PTDSS1: variants seen among roughly 807,000 people sequenced by gnomAD.
The protein encoded by PTDSS1 is PSS-1.
PTDSS1 carries 45 observed loss-of-function variants against 70.5 expected under a neutral mutation model. That is an observed-to-expected ratio of 0.64 (90% CI 0.50 to 0.82). PTDSS1 has a LOEUF of 0.82. Ranked by LOEUF, PTDSS1 falls within the 40% of genes least tolerant of loss-of-function variation. The probability of loss-of-function intolerance (pLI) is 0.00; values close to 1 mark genes in which losing one functional copy is unlikely to be tolerated. For synonymous variants in PTDSS1, 188 were observed against 203.8 expected (o/e 0.92, Z 0.66); for missense variants, 417 against 586.1 (o/e 0.71, Z 2.98).
intron 4 of PTDSS1, among the ~76,000 whole-genome samples, chr8:96,293,135 ATC>A (rs1357463506): frequency 6.6e-6 from 1 of 152,166 alleles, no homozygotes; most frequent in African/African-American, 2.4e-5. Flanking sequence ...GATTTTCAAG[ATC>A]TCTCTGTAGT....
At chr8:96,281,677 C>G (rs9969631) in intron 2 of PTDSS1, among the ~76,000 whole-genome samples, 3 of 152,042 alleles carry the variant, frequency 2.0e-5, no homozygotes, top group Non-Finnish European at 4.4e-5. Flanking sequence ...GAAACCAGTC[C>G]GCGCTCAACC....
chr8:96,288,017 T>C (rs1027025203), intron 4 of PTDSS1, among the ~76,000 whole-genome samples: 2 of 152,176 alleles, frequency 1.3e-5, no homozygotes, highest in African/African-American at 4.8e-5. Context: ...CACCTGTGCT[T>C]CTGACCAATC....
chr8:96,263,038 A>T (rs1316941292), intron 1 of PTDSS1, among the ~76,000 whole-genome samples: 2 of 152,218 alleles, frequency 1.3e-5, no homozygotes, highest in African/African-American at 4.8e-5. Flanking sequence ...CTTGTCCAGC[A>T]ATTTTAATGG....
intron 6 of PTDSS1, 25 bp downstream of exon 6, chr8:96,299,870 T>G (rs756351104): frequency 2.5e-6 from 4 of 1,591,590 alleles, no homozygotes; most frequent in Non-Finnish European, 2.6e-6. Context: ...TTTTGGATAT[T>G]AGTCACAGTT....
intron 9 of PTDSS1, among the ~76,000 whole-genome samples, chr8:96,315,389 G>A (rs1367611105): frequency 6.6e-6 from 1 of 152,142 alleles, no homozygotes; most frequent in Non-Finnish European, 1.5e-5. Context: ...GCATTCCTGT[G>A]GCATCCTCAG....
At chr8:96,306,612 C>T (rs1309503184) in intron 8 of PTDSS1, 56 bp downstream of exon 8, 13 of 1,362,116 alleles carry the variant, frequency 9.5e-6, no homozygotes, top group African/African-American at 1.4e-5. Flanking sequence ...TTTAGATTGT[C>T]CTGTTTAGCA....
In PTDSS1 at chr8:96,296,599, A is replaced by AG. The variant is rs1438426187; in HGVS notation, c.600+1346dup. 3.9e-5 allele frequency among the ~76,000 whole-genome samples: 6 copies of AG among 152,346 alleles called. No individual in the cohort carries two copies. The East Asian group carries it at 1.2e-3, about 29-fold the overall frequency. ...CTCAAATTCTGAGATATTGGAGGTT[A>AG]GGGCTTCAACATAGGAGTTTTGAGA... On this transcript the variant is annotated intron_variant, in intron 5 of 12. Transcript: ENST00000517309.
intron 6 of PTDSS1, among the ~76,000 whole-genome samples, chr8:96,301,768 A>G (rs1279489868): frequency 2.0e-5 from 3 of 151,666 alleles, no homozygotes; most frequent in African/African-American, 7.3e-5. Context: ...CGCCCGCCTC[A>G]GCCTCCCAAA....
chr8:96,266,289 C>T (rs529381173), intron 1 of PTDSS1, among the ~76,000 whole-genome samples: 1 of 152,238 alleles, frequency 6.6e-6, no homozygotes, highest in Non-Finnish European at 1.5e-5. Flanking sequence ...GATTTGTGTA[C>T]TTAAGTGATC....
chr8:96,314,817 C>T (rs375790841), intron 9 of PTDSS1, among the ~76,000 whole-genome samples: 6 of 152,030 alleles, frequency 3.9e-5, no homozygotes, highest in African/African-American at 1.4e-4. Flanking sequence ...AGGATGGTCT[C>T]GATCTCCTGA....
intron 6 of PTDSS1, among the ~76,000 whole-genome samples, chr8:96,302,306 A>G (rs1811061579): frequency 6.6e-6 from 1 of 152,130 alleles, no homozygotes; most frequent in African/African-American, 2.4e-5. Context: ...TGCTGGGATT[A>G]CAGGTATGAG....
In PTDSS1 at chr8:96,287,043, T is replaced by C. The variant is rs1810832386; in HGVS notation, c.338T>C (p.Leu113Pro). ...MVFGLSVLYF[L>P]FLVFLLFLNF... is the part of the protein sequence containing the mutation. ...TCAGGACTCAGTGTGCTCTACTTCC[T>C]GTTCCTGGTATTCCTACTCTTCCTG... Residue 113 changes from leucine to proline, a missense_variant, in exon 4 of 13, where the codon CTG (leucine) becomes CCG (proline). Leu to Pro is a moderately conservative substitution (Grantham distance 98). This residue lies in a region of PTDSS1 where 272 missense variants were observed against 429.5 expected (regional missense o/e 0.63). Transcript: ENST00000517309. 6 of 1,613,992 alleles carry C rather than the reference T, an allele frequency of 3.7e-6. No homozygotes were observed. Among genetic ancestry groups the C allele is most frequent in the African/African-American group, 1.3e-5 (1 of 74,944 alleles).
At chr8:96,299,163 CAGTT>C (rs1266673258) in intron 5 of PTDSS1, among the ~76,000 whole-genome samples, 1 of 152,150 alleles carries the variant, frequency 6.6e-6, no homozygotes, top group Non-Finnish European at 1.5e-5. Context: ...TATTGTGAAT[CAGTT>C]GGTGTGAGAT....
chr8:96,304,291 A>G, intron 7 of PTDSS1, 110 bp downstream of exon 7: 2 of 1,274,404 alleles, frequency 1.6e-6, no homozygotes, highest in South Asian at 1.5e-5. Context: ...TCCATACTTT[A>G]CAAGATATAA....
rs1430633163 is a variant in PTDSS1, at chr8:96,262,818, A to G, written c.179+599A>G. Reference sequence around the variant, plus strand: ...CGTATGCATTGCACACAAGTCATCCAGCATAACACTTCCCCCAGCCTCAAA... The same window carrying G: ...CGTATGCATTGCACACAAGTCATCCGGCATAACACTTCCCCCAGCCTCAAA... On this transcript the variant is annotated intron_variant, in intron 1 of 12. Coordinates refer to ENST00000517309, the MANE Select transcript of PTDSS1 (RefSeq NM_014754.3). This position sits in a 1 kb window ranked among gnomAD's most constrained non-coding sequence, Gnocchi z 4.4. 6.6e-6 allele frequency among the ~76,000 whole-genome samples: 1 copy of G among 152,184 alleles called. No individual in the cohort carries two copies. The highest frequency in any genetic ancestry group is 2.4e-5 in the African/African-American group (1 of 41,436).
rs1278729372 is a variant in PTDSS1 at position 96,276,976 on chromosome 8, G to GCACACA, written c.271+3587_271+3588insACACAC. ...CCCGGGCACATACACGCGCGCACGC[G>GCACACA]CGCGCACACACACACACACACACAC... is the stretch of plus-strand genomic sequence containing the variant. On this transcript the variant is annotated intron_variant, in intron 2 of 12. Coordinates refer to ENST00000517309, the MANE Select transcript of PTDSS1 (RefSeq NM_014754.3). Among the ~76,000 whole-genome samples the GCACACA allele has an allele frequency of 4.6e-3, 498 of 107,598 alleles. 5 individuals carry two copies. Among genetic ancestry groups the GCACACA allele is most frequent in the African/African-American group, 0.013 (451 of 33,420 alleles). 70.6% of individuals were successfully genotyped at this position (107,598 alleles called of 152,430 possible).
intron 1 of PTDSS1, among the ~76,000 whole-genome samples, chr8:96,265,126 A>G (rs1205774546): frequency 2.0e-5 from 3 of 152,228 alleles, no homozygotes; most frequent in Admixed American, 2.0e-4. Flanking sequence ...TTTTGTAATG[A>G]TTAACTCCAG....
intron 1 of PTDSS1, among the ~76,000 whole-genome samples, chr8:96,269,650 C>T (rs1279729149): frequency 2.0e-5 from 3 of 152,198 alleles, no homozygotes; most frequent in Non-Finnish European, 4.4e-5. Context: ...GAGACAATTA[C>T]AATCCCACCA....
intron 9 of PTDSS1, among the ~76,000 whole-genome samples, chr8:96,310,231 C>T (rs1278380142): frequency 4.1e-5 from 6 of 146,484 alleles, no homozygotes; most frequent in African/African-American, 1.5e-4. Context: ...GTGGCATGAT[C>T]TCGGCTCACT....
Sources: gnomAD v4.1 joint callset for allele counts (sites outside exome capture counted in the v4.1 genomes callset) on GRCh38, gnomAD v4.1.1 for gene constraint, gnomAD v4.1.1 regional missense constraint, Gnocchi (gnomAD v3.1) non-coding constraint, MANE v1.5 for transcripts, NCBI Gene and HGNC (gene_info 2026-07-23, HGNC 2026-07-21) for gene names.